The following OLFM2 variants were observed in gnomAD, a reference collection of about 807,000 sequenced individuals.
The protein encoded by OLFM2 is noelin-2.
Under a neutral mutation model 43.9 loss-of-function variants are expected in OLFM2, and 20 were observed. That is an observed-to-expected ratio of 0.46 (90% CI 0.32 to 0.66). The LOEUF (loss-of-function observed/expected upper bound fraction) is 0.66, where lower values mean the gene tolerates loss of function less well. Ranked by LOEUF, OLFM2 falls within the 30% of genes least tolerant of loss-of-function variation. OLFM2 has a pLI of 0.04. For synonymous variants in OLFM2, 268 were observed against 278.6 expected, an observed-to-expected ratio of 0.96 and a Z score of 0.38; for missense variants, 416 against 643.6, an observed-to-expected ratio of 0.65 and a Z score of 3.83.
intron 1 of OLFM2, among the ~76,000 whole-genome samples, chr19:9,923,984 C>T (rs2086436648): frequency 6.6e-6 from 1 of 151,364 alleles, no homozygotes; most frequent in East Asian, 1.9e-4. Context: ...CCTGTAATCC[C>T]AGCTACTCGG....
At chr19:9,933,001 C>T (rs1006938858) in intron 1 of OLFM2, among the ~76,000 whole-genome samples, 8 of 152,184 alleles carry the variant, frequency 5.3e-5, no homozygotes, top group African/African-American at 1.9e-4. Context: ...GCTTCCCCGG[C>T]CTCATCTCCC....
At chr19:9,883,466 G>A (rs1599479422) in intron 1 of OLFM2, among the ~76,000 whole-genome samples, 1 of 152,046 alleles carries the variant, frequency 6.6e-6, no homozygotes, top group East Asian at 1.9e-4. Flanking sequence ...TTGTTAGCGA[G>A]AATGGGCTGC....
intron 1 of OLFM2, among the ~76,000 whole-genome samples, chr19:9,889,727 G>A (rs547980453): frequency 6.6e-6 from 1 of 152,276 alleles, no homozygotes; most frequent in East Asian, 1.9e-4. Context: ...ATGAATGCGT[G>A]TGTGTGCGCC....
intron 1 of OLFM2, among the ~76,000 whole-genome samples, chr19:9,916,785 C>A (rs2046879006): frequency 6.6e-6 from 1 of 152,158 alleles, no homozygotes; most frequent in African/African-American, 2.4e-5. Flanking sequence ...CCCAACGTTT[C>A]CAAAACTCTT....
At chr19:9,907,422 A>C (rs1216022634) in intron 1 of OLFM2, among the ~76,000 whole-genome samples, 1 of 151,990 alleles carries the variant, frequency 6.6e-6, no homozygotes, top group Non-Finnish European at 1.5e-5. Flanking sequence ...AGACGGTGCC[A>C]CTGCACTCCA....
intron 1 of OLFM2, among the ~76,000 whole-genome samples, chr19:9,911,271 C>A (rs977995814): frequency 2.0e-5 from 3 of 152,120 alleles, no homozygotes; most frequent in African/African-American, 7.2e-5. Context: ...AAATGGACAC[C>A]CTCATGTCAC....
At chr19:9,921,184 A>G (rs972976937) in intron 1 of OLFM2, among the ~76,000 whole-genome samples, 1 of 151,534 alleles carries the variant, frequency 6.6e-6, no homozygotes, top group Non-Finnish European at 1.5e-5. Context: ...TCACATGATC[A>G]TACTTCACTG....
rs181276431 is a variant in OLFM2 at position 9,857,453 on chromosome 19, C to T, written c.390G>A (p.Leu130=). 1.2e-6 allele frequency: 2 copies of T among 1,614,026 alleles called. No individual in the cohort carries two copies. Among genetic ancestry groups the T allele is most frequent in the African/African-American group, 2.7e-5 (2 of 75,046 alleles). The stretch of plus-strand genomic sequence containing the variant: ...ACTGCTCCAGGACCGAGCTCAGGGG[C>T]AACAGTTCCGTCATCCTGTCCTTCA... The part of the protein sequence containing the change: ...QELKDRMTEL[L]PLSSVLEQYK... Residue 130 remains leucine (L), a synonymous_variant, in exon 4 of 6, where the codon TTG becomes TTA. Transcript: ENST00000264833. This position sits in a 1 kb window ranked among gnomAD's most constrained non-coding sequence, Gnocchi z 5.7.
At chr19:9,920,958 G>GT (rs1269335060) in intron 1 of OLFM2, among the ~76,000 whole-genome samples, 1 of 151,718 alleles carries the variant, frequency 6.6e-6, no homozygotes, top group Non-Finnish European at 1.5e-5. Context: ...TAAAAAACTC[G>GT]TAACTGTTGG....
At chr19:9,913,973 G>T (rs189640532) in intron 1 of OLFM2, 2 of 107,528 alleles carry the variant, frequency 1.9e-5, no homozygotes, top group Non-Finnish European at 4.0e-5. Flanking sequence ...GCCCTCGCCC[G>T]CCCCCCGCCG....
intron 1 of OLFM2, among the ~76,000 whole-genome samples, chr19:9,928,973 T>C (rs998883267): frequency 6.6e-6 from 1 of 151,492 alleles, no homozygotes; most frequent in Admixed American, 6.6e-5. Flanking sequence ...TCCCAACTAC[T>C]TGGGAGGCTG....
At chr19:9,868,329 T>C (rs1055592053) in intron 1 of OLFM2, among the ~76,000 whole-genome samples, 3 of 152,110 alleles carry the variant, frequency 2.0e-5, no homozygotes, top group African/African-American at 7.2e-5. Context: ...CCCAAAGTGT[T>C]GGGATTACAG....
chr19:9,927,509 G>T (rs1000287804), intron 1 of OLFM2, among the ~76,000 whole-genome samples: 13 of 152,090 alleles, frequency 8.5e-5, no homozygotes, highest in African/African-American at 3.1e-4. Flanking sequence ...ACCAGGTCTT[G>T]TCAGCATGAC....
rs1399108788 is a variant in OLFM2, at chr19:9,934,412, T to TG, written c.63+1891dup. 3.3e-5 allele frequency among the ~76,000 whole-genome samples: 5 copies of TG among 152,116 alleles called. No individual in the cohort carries two copies. The East Asian group carries it at 9.7e-4, about 29-fold the overall frequency. On this transcript the variant is annotated intron_variant, in intron 1 of 5. Transcript: ENST00000264833. ...CCCCAAAGCAACTCCCTCCCAGCCC[T>TG]GGGGGCTGTAGGAGTCACCCTCCAA...
intron 1 of OLFM2, chr19:9,913,699 C>A: frequency 9.3e-7 from 1 of 1,071,026 alleles, no homozygotes; most frequent in South Asian, 3.5e-5. Context: ...CCCTCGACAC[C>A]CAGGCGCCCC....
At chr19:9,886,178 T>C (rs1357650381) in intron 1 of OLFM2, among the ~76,000 whole-genome samples, 1 of 152,106 alleles carries the variant, frequency 6.6e-6, no homozygotes, top group Non-Finnish European at 1.5e-5. Flanking sequence ...GGGGAAATGA[T>C]GAACATTCAA....
intron 2 of OLFM2, among the ~76,000 whole-genome samples, chr19:9,859,588 C>T (rs1348510031): frequency 2.0e-5 from 3 of 152,182 alleles, no homozygotes; most frequent in South Asian, 2.1e-4. Flanking sequence ...CTACCACGCC[C>T]GGCCCAGGGG....
At chr19:9,914,295 G>C (rs1339852141) in intron 1 of OLFM2, among the ~76,000 whole-genome samples, 2 of 152,120 alleles carry the variant, frequency 1.3e-5, no homozygotes, top group Non-Finnish European at 2.9e-5. Context: ...CGGGCATTGG[G>C]GGGCGTGGGG....
intron 1 of OLFM2, among the ~76,000 whole-genome samples, chr19:9,885,496 G>A (rs532250064): frequency 2.0e-5 from 3 of 152,292 alleles, no homozygotes; most frequent in African/African-American, 7.2e-5. Context: ...CTGCCTAGAT[G>A]TACCCACCCT....
Sources: gnomAD v4.1 joint callset for allele counts (sites outside exome capture counted in the v4.1 genomes callset) on GRCh38, gnomAD v4.1.1 for gene constraint, Gnocchi (gnomAD v3.1) non-coding constraint, MANE v1.5 for transcripts, NCBI Gene and HGNC (gene_info 2026-07-23, HGNC 2026-07-21) for gene names.